Variants in PDXDC1 observed in about 807,000 individuals in gnomAD.
PDXDC1 encodes pyridoxal-dependent decarboxylase domain-containing protein 1.
Under a neutral mutation model 100.1 loss-of-function variants are expected in PDXDC1, and 42 were observed. The observed-to-expected ratio is 0.42, with a 90% CI of 0.33 to 0.54. The LOEUF (loss-of-function observed/expected upper bound fraction) is 0.54, where lower values mean the gene tolerates loss of function less well. PDXDC1 is among the 20% of genes least tolerant of loss of function. The pLI is 0.10. For missense variants in PDXDC1, 636 were observed against 979.2 expected, an observed-to-expected ratio of 0.65 and a Z score of 4.68; for synonymous variants, 260 against 371.7, an observed-to-expected ratio of 0.70 and a Z score of 3.46.
chr16:15,127,723 G>C (rs1373903851), intron 16 of PDXDC1: 1 of 1,511,588 alleles, frequency 6.6e-7, no homozygotes, highest in Non-Finnish European at 9.0e-7. Flanking sequence ...GTACCACACG[G>C]CGTTGGCGCC....
intron 16 of PDXDC1, chr16:15,047,987 C>T: frequency 1.2e-6 from 2 of 1,607,454 alleles, no homozygotes; most frequent in Non-Finnish European, 1.7e-6. Flanking sequence ...TTCACTGCTT[C>T]CTAACCTACC....
chr16:15,030,544 CA>C (rs1156634836), intron 16 of PDXDC1, among the ~76,000 whole-genome samples: 4,991 of 37,352 alleles, frequency 0.13, 19 homozygotes, highest in East Asian at 0.29. Context: ...GACTCCATCT[CA>C]AAAAAAAAAA....
intron 16 of PDXDC1, among the ~76,000 whole-genome samples, chr16:15,122,239 C>T (rs922809562): frequency 1.7e-4 from 26 of 150,322 alleles, no homozygotes; most frequent in Non-Finnish European, 2.5e-4. Context: ...TGTTTTGGTC[C>T]GTTTTGTTTG....
chr16:15,069,301 CGAT>C (rs957334748), intron 16 of PDXDC1, among the ~76,000 whole-genome samples: 2 of 152,006 alleles, frequency 1.3e-5, no homozygotes, highest in Non-Finnish European at 2.9e-5. Context: ...CAGCCCCCGA[CGAT>C]GAAGGATGAT....
rs1426412536 is a variant in PDXDC1 at position 15,001,000 on chromosome 16, T to G, written c.162-776T>G. Among the ~76,000 whole-genome samples the G allele has an allele frequency of 2.0e-5, 3 of 151,562 alleles. No individual in the cohort carries two copies. In the Admixed American group the frequency reaches 2.0e-4, roughly 10 times the overall value. On this transcript the variant is annotated intron_variant, in intron 3 of 22. Transcript: ENST00000396410. Reference sequence around the variant, plus strand: ...GGCCTTTTTGCTCTTATTACATGCTTATTAAATATTCTCTGTCTTGTACTC... The same window carrying G: ...GGCCTTTTTGCTCTTATTACATGCTGATTAAATATTCTCTGTCTTGTACTC...
intron 1 of PDXDC1, among the ~76,000 whole-genome samples, chr16:14,976,326 C>CT (rs1378150337): frequency 2.0e-5 from 3 of 152,264 alleles, no homozygotes; most frequent in Non-Finnish European, 2.9e-5. Context: ...TATATTTTGT[C>CT]TTTTTTCAAG....
chr16:15,131,249 C>G, intron 16 of PDXDC1: 2 of 1,592,236 alleles, frequency 1.3e-6, no homozygotes, highest in Non-Finnish European at 1.7e-6. Flanking sequence ...GGCACCTTCA[C>G]GGTGATGGCG....
chr16:15,036,283 T>G lies in PDXDC1; in HGVS notation c.*8T>G. Reference sequence around the variant, plus strand: ...CCGGAGAGCTTAAGATGAGACTCATTGTGTGGTTTGAGACTGTACTGAGTA... The same window carrying G: ...CCGGAGAGCTTAAGATGAGACTCATGGTGTGGTTTGAGACTGTACTGAGTA... On this transcript the variant is annotated 3_prime_UTR_variant, in exon 23 of 23. Transcript: ENST00000396410. The G allele has an allele frequency of 6.2e-7, 1 of 1,611,774 alleles. No homozygotes were observed. Among genetic ancestry groups the G allele is most frequent in the Non-Finnish European group, 8.5e-7 (1 of 1,178,310 alleles).
intron 16 of PDXDC1, chr16:15,138,214 T>C: frequency 3.2e-6 from 1 of 317,218 alleles, no homozygotes. Flanking sequence ...TTAAATAAAT[T>C]AGCAAATATT....
the PDXDC1 span, among the ~76,000 whole-genome samples, chr16:15,145,762 CTG>C: frequency 6.6e-6 from 1 of 152,278 alleles, no homozygotes; most frequent in Non-Finnish European, 1.5e-5. Context: ...TGCAGGGAGA[CTG>C]TGACGCCCCC....
rs745776890 is a variant in PDXDC1 at position 15,061,833 on chromosome 16, T to C, written c.1399+31777T>C. Reference sequence around the variant, plus strand: ...AAATGCGTGTCAAAGGAGCTTGGTGTGATCCCAATCACGGTATCATTCTGG... The same window carrying C: ...AAATGCGTGTCAAAGGAGCTTGGTGCGATCCCAATCACGGTATCATTCTGG... On this transcript the variant is annotated intron_variant, in intron 16 of 16. Coordinates refer to the PDXDC1 transcript ENST00000535621. The C allele has an allele frequency of 6.8e-6, 11 of 1,614,050 alleles. No homozygotes were observed. The highest frequency in any genetic ancestry group is 9.3e-6 in the Non-Finnish European group (11 of 1,179,970).
chr16:15,038,648 T>C, downstream of PDXDC1: 2 of 1,607,250 alleles, frequency 1.2e-6, no homozygotes, highest in Non-Finnish European at 8.5e-7. Context: ...TACGGTCCTA[T>C]ACGAAGTTGT....
intron 16 of PDXDC1, among the ~76,000 whole-genome samples, chr16:15,031,040 C>G (rs947453729): frequency 1.3e-5 from 2 of 151,808 alleles, no homozygotes; most frequent in African/African-American, 2.4e-5. Flanking sequence ...CAACCTCGAC[C>G]TCCTGGGCTC....
At chr16:15,114,961 TG>T (rs2047193275) in intron 16 of PDXDC1, among the ~76,000 whole-genome samples, 1 of 143,198 alleles carries the variant, frequency 7.0e-6, no homozygotes, top group African/African-American at 2.6e-5. Context: ...GACAGAGTTC[TG>T]CTCCACTCAG....
At chr16:15,131,464 G>C (rs994086532) in intron 16 of PDXDC1, 2 of 1,607,652 alleles carry the variant, frequency 1.2e-6, no homozygotes, top group African/African-American at 1.3e-5. Flanking sequence ...GTGGCAGCCA[G>C]GCCCTGGGGC....
At chr16:15,016,787 GTA>G (rs1325363295) in intron 9 of PDXDC1, among the ~76,000 whole-genome samples, 1 of 152,292 alleles carries the variant, frequency 6.6e-6, no homozygotes, top group Non-Finnish European at 1.5e-5. Context: ...GGCAGCCAGA[GTA>G]GCCCATATCC....
At chr16:14,982,524 G>A (rs1251081972) in intron 1 of PDXDC1, among the ~76,000 whole-genome samples, 1 of 152,280 alleles carries the variant, frequency 6.6e-6, no homozygotes, top group Admixed American at 6.5e-5. Context: ...TCAGGAGATT[G>A]TGCCACTGCA....
intron 16 of PDXDC1, among the ~76,000 whole-genome samples, chr16:15,082,127 C>T (rs1007449791): frequency 6.6e-6 from 1 of 152,202 alleles, no homozygotes; most frequent in African/African-American, 2.4e-5. Context: ...CTTGGCTAGA[C>T]AAGCAGCAAG....
intron 16 of PDXDC1, among the ~76,000 whole-genome samples, chr16:15,089,872 C>T (rs1476120075): frequency 3.4e-5 from 5 of 148,312 alleles, no homozygotes; most frequent in Non-Finnish European, 7.4e-5. Flanking sequence ...AAGTGGGTGG[C>T]CAACAGTGTC....
Sources: gnomAD v4.1 joint callset for allele counts (sites outside exome capture counted in the v4.1 genomes callset) on GRCh38, gnomAD v4.1.1 for gene constraint, MANE v1.5 for transcripts, NCBI Gene and HGNC (gene_info 2026-07-23, HGNC 2026-07-21) for gene names.